KCNMA1: variants seen among roughly 807,000 people sequenced by gnomAD.
KCNMA1 encodes Calcium-activated potassium channel subunit alpha-1.
A neutral mutation model predicts 140.0 loss-of-function variants in KCNMA1; 29 were observed. That is an observed-to-expected ratio of 0.21 (90% CI 0.15 to 0.28). KCNMA1 has a LOEUF of 0.28. Ranked by LOEUF, KCNMA1 falls within the 10% of genes least tolerant of loss-of-function variation. The probability of loss-of-function intolerance (pLI) is 1.00; values close to 1 mark genes in which losing one functional copy is unlikely to be tolerated. For missense variants in KCNMA1, 880 were observed against 1,602.2 expected (o/e 0.55, Z 7.70); for synonymous variants, 612 against 611.9 (o/e 1.00, Z 0.00).
intron 2 of KCNMA1, among the ~76,000 whole-genome samples, chr10:77,391,134 G>T (rs2043672369): frequency 1.3e-5 from 2 of 152,188 alleles, no homozygotes; most frequent in South Asian, 4.1e-4. Context: ...ATCCTGGGCT[G>T]CTCCTGCCAG....
intron 1 of KCNMA1, among the ~76,000 whole-genome samples, chr10:77,416,973 G>A (rs1401288290): frequency 6.6e-6 from 1 of 152,178 alleles, no homozygotes; most frequent in African/African-American, 2.4e-5. Flanking sequence ...CTGGAGCTGA[G>A]GCTGCCGGCT....
At chr10:77,495,672 C>CT (rs1376119527) in intron 1 of KCNMA1, among the ~76,000 whole-genome samples, 1 of 152,232 alleles carries the variant, frequency 6.6e-6, no homozygotes, top group Non-Finnish European at 1.5e-5. Context: ...AAGCTTCCAC[C>CT]TCATGGAGCT....
chr10:77,052,254 C>T (rs907456744), intron 14 of KCNMA1, among the ~76,000 whole-genome samples: 2 of 152,204 alleles, frequency 1.3e-5, no homozygotes, highest in Non-Finnish European at 2.9e-5. Flanking sequence ...GAGGTCCTCT[C>T]TGCCACCCAT....
rs147401519 is a variant in KCNMA1 at position 77,608,261 on chromosome 10, C to T, written c.378+29004G>A. Among the ~76,000 whole-genome samples, 34 of 152,292 alleles carry T rather than the reference C, an allele frequency of 2.2e-4. 1 individual carries two copies. In the East Asian group the frequency reaches 6.6e-3, roughly 29 times the overall value. On this transcript the variant is annotated intron_variant, in intron 1 of 27. Transcript: ENST00000286628. Reference sequence around the variant, plus strand: ...AATCTTGGTTCACTGCAACCTCCACCTCCCAGGCTCAAGCAATCATCCCAT... The same window carrying T: ...AATCTTGGTTCACTGCAACCTCCACTTCCCAGGCTCAAGCAATCATCCCAT...
chr10:76,984,542 T>C (rs1018579075), intron 19 of KCNMA1, among the ~76,000 whole-genome samples: 5 of 152,190 alleles, frequency 3.3e-5, no homozygotes, highest in African/African-American at 1.2e-4. Context: ...GTGATTTTTA[T>C]ATAAAACATT....
chr10:77,075,122 G>A (rs374386477), intron 13 of KCNMA1, among the ~76,000 whole-genome samples: 2 of 152,200 alleles, frequency 1.3e-5, no homozygotes, highest in African/African-American at 4.8e-5. Context: ...TCCCTGATGA[G>A]AGCATGGTTA....
chr10:77,461,459 A>G (rs893340390), intron 1 of KCNMA1, among the ~76,000 whole-genome samples: 3 of 152,194 alleles, frequency 2.0e-5, no homozygotes, highest in Non-Finnish European at 4.4e-5. Context: ...CGACTTATTC[A>G]AGGTCACACA....
chr10:77,481,912 G>T (rs1033226627), intron 1 of KCNMA1, among the ~76,000 whole-genome samples: 2 of 152,124 alleles, frequency 1.3e-5, no homozygotes, highest in African/African-American at 2.4e-5. Context: ...ATAAAGACCA[G>T]AGGGCTATCC....
intron 20 of KCNMA1, among the ~76,000 whole-genome samples, 200 bp downstream of exon 20, chr10:76,969,774 T>C (rs941855906): frequency 6.6e-6 from 1 of 152,220 alleles, no homozygotes; most frequent in Non-Finnish European, 1.5e-5. Flanking sequence ...CAGAATTTTT[T>C]CAGCTCTATC....
chr10:77,384,048 G>A (rs894634900), intron 2 of KCNMA1, among the ~76,000 whole-genome samples: 23 of 152,228 alleles, frequency 1.5e-4, no homozygotes, highest in East Asian at 1.3e-3. Context: ...GCGATTCACC[G>A]CAGGACCCTA....
At chr10:77,193,207 G>A (rs1322604239) in intron 3 of KCNMA1, among the ~76,000 whole-genome samples, 1 of 152,124 alleles carries the variant, frequency 6.6e-6, no homozygotes, top group African/African-American at 2.4e-5. Context: ...CTTTTGGAAT[G>A]ATGTCCAAGA....
At chr10:77,085,838 A>G (rs1034025371) in intron 11 of KCNMA1, among the ~76,000 whole-genome samples, 10 of 152,166 alleles carry the variant, frequency 6.6e-5, no homozygotes, top group African/African-American at 2.2e-4. Context: ...TGCTTACAAA[A>G]TCTATATTAC....
At chr10:77,336,421 A>T (rs2154371108) in intron 2 of KCNMA1, among the ~76,000 whole-genome samples, 1 of 152,038 alleles carries the variant, frequency 6.6e-6, no homozygotes, top group East Asian at 1.9e-4. Flanking sequence ...TGAAAAATTA[A>T]CTCAATGCTT....
At chr10:77,117,067 G>A (rs761093561) in intron 6 of KCNMA1, among the ~76,000 whole-genome samples, 3 of 152,054 alleles carry the variant, frequency 2.0e-5, no homozygotes, top group Non-Finnish European at 4.4e-5. Flanking sequence ...TTTCAAAAAC[G>A]CCTCCCAAAA....
chr10:77,605,913 T>TCATG (rs1442671985), intron 1 of KCNMA1, among the ~76,000 whole-genome samples: 5 of 152,198 alleles, frequency 3.3e-5, no homozygotes, highest in Non-Finnish European at 7.3e-5. Flanking sequence ...TTCCCCAAGG[T>TCATG]CATGCAGCTA....
chr10:77,108,312 C>T lies in KCNMA1; in HGVS notation c.1223+169G>A. The T allele has an allele frequency of 6.6e-7, 1 of 1,514,748 alleles. No homozygotes were observed. Among genetic ancestry groups the T allele is most frequent in the Non-Finnish European group, 8.8e-7 (1 of 1,139,576 alleles). The allele number at this position is 1,514,748 out of a possible 1,614,324, so 93.8% of individuals were successfully genotyped here. A position where few individuals can be genotyped will look rare whatever the true frequency, so the allele number is the denominator to read the frequency against. ...TTCTGCCTCCATGTTTGTTAAAAGTCCCGCCGAATTTATTCCGACTCAGGA... is the reference window on the plus strand; with the variant it reads ...TTCTGCCTCCATGTTTGTTAAAAGTTCCGCCGAATTTATTCCGACTCAGGA... On this transcript the variant is annotated intron_variant, in intron 9 of 27. Coordinates refer to ENST00000286628, the MANE Select transcript of KCNMA1 (RefSeq NM_001161352.2). This position sits in a 1 kb window ranked among gnomAD's most constrained non-coding sequence, Gnocchi z 4.6.
At chr10:77,070,990 C>G (rs1403551994) in intron 14 of KCNMA1, among the ~76,000 whole-genome samples, 1 of 152,192 alleles carries the variant, frequency 6.6e-6, no homozygotes, top group Non-Finnish European at 1.5e-5. Flanking sequence ...TACTTCCAAA[C>G]AGGCGGGAAT....
intron 1 of KCNMA1, among the ~76,000 whole-genome samples, chr10:77,628,377 C>T (rs186072841): frequency 2.0e-5 from 3 of 152,248 alleles, no homozygotes; most frequent in Admixed American, 6.5e-5. Flanking sequence ...AAAATCTCGC[C>T]GGGCGCGGTG....
intron 20 of KCNMA1, among the ~76,000 whole-genome samples, chr10:76,965,322 C>T (rs915084547): frequency 6.6e-6 from 1 of 152,202 alleles, no homozygotes; most frequent in Non-Finnish European, 1.5e-5. Flanking sequence ...TACTATTCTA[C>T]AGCAGACCCT....
Sources: allele counts gnomAD v4.1 joint callset (sites outside exome capture counted in the v4.1 genomes callset), GRCh38; gene constraint gnomAD v4.1.1; non-coding constraint Gnocchi (gnomAD v3.1); transcripts MANE v1.5; gene names NCBI Gene and HGNC (gene_info 2026-07-23, HGNC 2026-07-21).